MACROD1: variants seen among roughly 807,000 people sequenced by gnomAD.
MACROD1 encodes the protein mono-ADP ribosylhydrolase 1.
Under a neutral mutation model 41.4 loss-of-function variants are expected in MACROD1, and 31 were observed. The observed-to-expected ratio is 0.75, with a 90% confidence interval of 0.56 to 1.01. The LOEUF (loss-of-function observed/expected upper bound fraction) is 1.01, where lower values mean the gene tolerates loss of function less well. MACROD1 is among the 50% of genes least tolerant of loss of function. The probability of loss-of-function intolerance (pLI) is 0.00; values close to 1 mark genes in which losing one functional copy is unlikely to be tolerated. For missense variants in MACROD1, 473 were observed against 460.0 expected (o/e 1.03, Z -0.26); for synonymous variants, 252 against 203.4 (o/e 1.24, Z -2.03).
At position 64,082,195 on chromosome 11, in the gene MACROD1, CGAAACA is replaced by C; in HGVS notation, c.518-66920_518-66915del. On this transcript the variant is annotated intron_variant, in intron 3 of 10. Transcript: ENST00000255681. This position sits in a 1 kb window ranked among gnomAD's most constrained non-coding sequence, Gnocchi z 4.5. ...AGCAGGCCAGAGCCAGGAGCAGGCG[CGAAACA>C]TCCCTTAAATATTGGTGCTCTCGGC... 6.6e-6 allele frequency among the ~76,000 whole-genome samples: 1 copy of C among 152,028 alleles called. No homozygotes were observed. The highest frequency in any genetic ancestry group is 1.9e-4 in the East Asian group (1 of 5,174).
At chr11:64,094,220 C>G (rs2134534071) in intron 3 of MACROD1, among the ~76,000 whole-genome samples, 1 of 152,270 alleles carries the variant, frequency 6.6e-6, no homozygotes, top group Non-Finnish European at 1.5e-5. Context: ...AGCACAAGGT[C>G]AGGAGTTCAA....
intron 3 of MACROD1, among the ~76,000 whole-genome samples, chr11:64,022,464 C>T (rs1476496429): frequency 1.3e-5 from 2 of 152,120 alleles, no homozygotes; most frequent in Non-Finnish European, 2.9e-5. Context: ...GCAGGCCTGG[C>T]CCCACAGGGG....
At chr11:64,095,824 C>T (rs897000389) in intron 3 of MACROD1, among the ~76,000 whole-genome samples, 3 of 152,146 alleles carry the variant, frequency 2.0e-5, no homozygotes, top group Non-Finnish European at 4.4e-5. Context: ...GGCTCCAAGT[C>T]AGGGGTTGAG....
chr11:64,080,485 A>G (rs1302604293), intron 3 of MACROD1, among the ~76,000 whole-genome samples: 1 of 152,150 alleles, frequency 6.6e-6, no homozygotes, highest in Non-Finnish European at 1.5e-5. Flanking sequence ...TTCATCCCCT[A>G]AAAAGAAGCC....
At chr11:64,088,368 G>A (rs187165882) in intron 3 of MACROD1, among the ~76,000 whole-genome samples, 13 of 152,286 alleles carry the variant, frequency 8.5e-5, no homozygotes, top group South Asian at 2.1e-4. Flanking sequence ...GGCCTTGGGC[G>A]TGACTGTCTG....
At chr11:64,052,098 A>C (rs1038140403) in intron 3 of MACROD1, among the ~76,000 whole-genome samples, 17 of 151,904 alleles carry the variant, frequency 1.1e-4, no homozygotes, top group African/African-American at 3.9e-4. Flanking sequence ...AATCCCTTGG[A>C]GGAAGCCCTG....
chr11:64,157,094 T>G (rs1015346048), intron 1 of MACROD1, among the ~76,000 whole-genome samples: 1 of 151,368 alleles, frequency 6.6e-6, no homozygotes, highest in Non-Finnish European at 1.5e-5. Context: ...ATTTCTGTGT[T>G]TTTTTTTTAT....
Position 64,122,891 on chromosome 11 carries a change from G to A in MACROD1, c.517+28348C>T, listed in dbSNP as rs1171255150. ...CCTCCCTCCTTCACCTCCGGCCCTG[G>A]AGCCAAGGAGCCAGGAGAGGAGGAG... On this transcript the variant is annotated intron_variant, in intron 3 of 10. Coordinates refer to ENST00000255681, the MANE Select transcript of MACROD1 (RefSeq NM_014067.4). This position sits in a 1 kb window ranked among gnomAD's most constrained non-coding sequence, Gnocchi z 4.0. Among the ~76,000 whole-genome samples the A allele has an allele frequency of 1.3e-5, 2 of 152,186 alleles. No homozygotes were observed. The highest frequency in any genetic ancestry group is 2.4e-5 in the African/African-American group (1 of 41,440).
At chr11:64,155,312 A>C (rs1259160614) in intron 1 of MACROD1, among the ~76,000 whole-genome samples, 2 of 152,376 alleles carry the variant, frequency 1.3e-5, no homozygotes, top group African/African-American at 4.8e-5. Flanking sequence ...AAGTGAGGCC[A>C]GTCGGTCTCT....
intron 3 of MACROD1, among the ~76,000 whole-genome samples, chr11:64,044,608 G>A (rs1212289346): frequency 6.6e-6 from 1 of 152,164 alleles, no homozygotes; most frequent in Non-Finnish European, 1.5e-5. Flanking sequence ...GAGGCACTGA[G>A]TGGCAAAGTC....
At chr11:64,085,482 C>T (rs552780667) in intron 3 of MACROD1, among the ~76,000 whole-genome samples, 24 of 152,324 alleles carry the variant, frequency 1.6e-4, no homozygotes, top group East Asian at 1.5e-3. Context: ...GTGTCTGGGG[C>T]GGCCGGCTTA....
intron 3 of MACROD1, among the ~76,000 whole-genome samples, chr11:64,113,385 G>T (rs1334415408): frequency 6.6e-6 from 1 of 152,048 alleles, no homozygotes; most frequent in Non-Finnish European, 1.5e-5. Context: ...TGGATGGATG[G>T]ACAGGTGCAT....
chr11:64,102,364 AC>A (rs59852408), intron 3 of MACROD1, among the ~76,000 whole-genome samples: 3 of 151,724 alleles, frequency 2.0e-5, no homozygotes, highest in Non-Finnish European at 4.4e-5. Flanking sequence ...TTGAGGACTG[AC>A]CCCCCACCTA....
At chr11:64,152,216 T>C in intron 2 of MACROD1, 76 bp downstream of exon 2, 1 of 1,235,876 alleles carries the variant, frequency 8.1e-7, no homozygotes, top group Non-Finnish European at 1.2e-6. Context: ...CTGGACTAGC[T>C]CTTCTTGTCT....
At chr11:64,056,504 G>A (rs889291577) in intron 3 of MACROD1, among the ~76,000 whole-genome samples, 5 of 152,228 alleles carry the variant, frequency 3.3e-5, no homozygotes, top group African/African-American at 9.7e-5. Flanking sequence ...ACAGACGGAC[G>A]GAGAGACGGA....
chr11:64,141,723 G>A (rs950187049), intron 3 of MACROD1, among the ~76,000 whole-genome samples: 3 of 152,266 alleles, frequency 2.0e-5, no homozygotes, highest in African/African-American at 7.2e-5. Context: ...TGCAGGCGCT[G>A]AGGCCTCAAG....
At chr11:64,154,676 G>A (rs930888086) in intron 1 of MACROD1, among the ~76,000 whole-genome samples, 1 of 152,166 alleles carries the variant, frequency 6.6e-6, no homozygotes. Context: ...CTTTGTACCT[G>A]CTGTGCTCTG....
intron 4 of MACROD1, among the ~76,000 whole-genome samples, chr11:64,014,724 C>T (rs1472589933): frequency 6.6e-6 from 1 of 152,190 alleles, no homozygotes; most frequent in African/African-American, 2.4e-5. Flanking sequence ...CCAGGCCCAC[C>T]CTGACCTCTG....
intron 3 of MACROD1, among the ~76,000 whole-genome samples, chr11:64,097,980 T>C (rs906213983): frequency 8.6e-5 from 13 of 151,598 alleles, no homozygotes; most frequent in African/African-American, 3.1e-4. Flanking sequence ...CTTCAGGGAG[T>C]AAAACCTGGG....
Sources: gnomAD v4.1 joint callset for allele counts (sites outside exome capture counted in the v4.1 genomes callset) on GRCh38, gnomAD v4.1.1 for gene constraint, Gnocchi (gnomAD v3.1) non-coding constraint, MANE v1.5 for transcripts, NCBI Gene and HGNC (gene_info 2026-07-23, HGNC 2026-07-21) for gene names.